UBE2O: variants seen among roughly 807,000 people sequenced by gnomAD.
UBE2O encodes the protein (E3-independent) E2 ubiquitin-conjugating enzyme.
A neutral mutation model predicts 125.8 loss-of-function variants in UBE2O; 15 were observed. That is an observed-to-expected ratio of 0.12 (90% confidence interval 0.08 to 0.18). The LOEUF (loss-of-function observed/expected upper bound fraction) is 0.18. Among genes scored for constraint, UBE2O ranks in the 10% least tolerant of loss-of-function variants. The pLI, the probability that UBE2O is intolerant of heterozygous loss-of-function variation, is 1.00. For synonymous variants in UBE2O, 708 were observed against 703.2 expected (o/e 1.01, Z -0.11); for missense variants, 1,280 against 1,723.6 (o/e 0.74, Z 4.56).
chr17:76,418,569 G>GTTT (rs33997542), intron 1 of UBE2O, among the ~76,000 whole-genome samples: 3 of 144,836 alleles, frequency 2.1e-5, no homozygotes, highest in African/African-American at 2.6e-5. Context: ...GGAGGAACAG[G>GTTT]TTTTTTTTTT....
At chr17:76,401,510 A>C (rs2072324333) in intron 5 of UBE2O, among the ~76,000 whole-genome samples, 1 of 152,178 alleles carries the variant, frequency 6.6e-6, no homozygotes, top group South Asian at 2.1e-4. Context: ...TGTAACTAAC[A>C]CATCATCCTG....
In UBE2O at chr17:76,396,983, T is replaced by C. The variant is rs1337796406; in HGVS notation, c.2116-162A>G. ...CTTTCCCTGACCTCTGCTCTGGCTT[T>C]TGCAGTCCCTAGGTCTCTGGGAGAG... On this transcript the variant is annotated intron_variant, in intron 13 of 17. Coordinates refer to ENST00000319380, the MANE Select transcript of UBE2O (RefSeq NM_022066.4). The surrounding 1 kb of genome is among the most constrained non-coding windows in gnomAD (Gnocchi z 6.7). 6.6e-6 allele frequency among the ~76,000 whole-genome samples: 1 copy of C among 152,136 alleles called. No homozygotes were observed. The highest frequency in any genetic ancestry group is 1.5e-5 in the Non-Finnish European group (1 of 68,018).
At chr17:76,397,954 G>T in intron 12 of UBE2O, 66 bp from the exon 13 acceptor site, 1 of 1,538,312 alleles carries the variant, frequency 6.5e-7, no homozygotes, top group Non-Finnish European at 9.0e-7. Flanking sequence ...CCCCTCCTGT[G>T]CTCTGCAGTG....
chr17:76,430,612 T>C (rs2143845042), intron 1 of UBE2O: 2 of 329,144 alleles, frequency 6.1e-6, no homozygotes, highest in South Asian at 2.5e-5. Flanking sequence ...TCAATCAAAG[T>C]GTTATCTGTC....
intron 1 of UBE2O, among the ~76,000 whole-genome samples, chr17:76,433,271 A>G (rs2072931793): frequency 6.6e-6 from 1 of 151,312 alleles, no homozygotes; most frequent in African/African-American, 2.4e-5. Flanking sequence ...ATAAAAACAA[A>G]TGAAGTACTG....
chr17:76,415,902 C>G (rs1398566418), intron 1 of UBE2O, among the ~76,000 whole-genome samples: 1 of 148,660 alleles, frequency 6.7e-6, no homozygotes, highest in African/African-American at 2.6e-5. Context: ...CACGTATATA[C>G]AAATATATAC....
intron 5 of UBE2O, 124 bp from the exon 6 acceptor site, chr17:76,401,278 G>A (rs1435808684): frequency 3.5e-5 from 41 of 1,157,962 alleles, no homozygotes; most frequent in East Asian, 7.7e-5. Flanking sequence ...CGCCCCACAC[G>A]CCCTAAAACA....
intron 1 of UBE2O, among the ~76,000 whole-genome samples, chr17:76,412,583 T>C (rs1206009573): frequency 1.3e-5 from 2 of 152,172 alleles, no homozygotes; most frequent in African/African-American, 2.4e-5. Flanking sequence ...CTCTGGCTCT[T>C]TGGTTGTCCC....
intron 15 of UBE2O, among the ~76,000 whole-genome samples, chr17:76,392,732 C>G (rs569187267): frequency 9.7e-4 from 147 of 151,766 alleles, no homozygotes; most frequent in African/African-American, 3.5e-3. Flanking sequence ...ACGGGTGGAT[C>G]ACTTAAGGTC....
At chr17:76,430,568 G>C (rs542919341) in intron 1 of UBE2O, 37 of 261,530 alleles carry the variant, frequency 1.4e-4, no homozygotes, top group African/African-American at 6.8e-4. Context: ...TCAGATCCTC[G>C]ATGCAGATGA....
chr17:76,448,803 G>T (rs922220769), intron 1 of UBE2O, among the ~76,000 whole-genome samples: 3 of 152,268 alleles, frequency 2.0e-5, no homozygotes, highest in Non-Finnish European at 4.4e-5. Flanking sequence ...TGCTCATGAA[G>T]GTTTAAGTGG....
chr17:76,431,464 C>T (rs1011187676), intron 1 of UBE2O, among the ~76,000 whole-genome samples: 4 of 152,072 alleles, frequency 2.6e-5, no homozygotes, highest in Non-Finnish European at 5.9e-5. Context: ...TGCAGTGAGC[C>T]GAGATCGCAC....
At chr17:76,414,424 T>C (rs1480765142) in intron 1 of UBE2O, among the ~76,000 whole-genome samples, 6 of 152,148 alleles carry the variant, frequency 3.9e-5, no homozygotes, top group African/African-American at 9.7e-5. Context: ...CACAAGTAAA[T>C]AGAGCACTAA....
At position 76,417,914 on chromosome 17, in the gene UBE2O, G is replaced by A. The variant is rs528903652; in HGVS notation, c.418-12342C>T. Among the ~76,000 whole-genome samples the A allele has an allele frequency of 9.8e-5, 15 of 152,286 alleles. No homozygotes were observed. The South Asian group carries it at 2.5e-3, about 25-fold the overall frequency. ...CAGTCTCCATGATGGTGCTGTTTCC[G>A]CTGGTATTTGAGTCCTGGCTCACTG... is the stretch of plus-strand genomic sequence containing the variant. On this transcript the variant is annotated intron_variant, in intron 1 of 17. Coordinates refer to ENST00000319380, the MANE Select transcript of UBE2O (RefSeq NM_022066.4).
chr17:76,401,943 G>A (rs545944106), intron 5 of UBE2O, 121 bp downstream of exon 5: 16 of 829,554 alleles, frequency 1.9e-5, no homozygotes, highest in East Asian at 3.1e-5. Flanking sequence ...CCTCTGGCGC[G>A]CACCCGCCCC....
At chr17:76,394,072 GTTA>G (rs915265310) in intron 15 of UBE2O, among the ~76,000 whole-genome samples, 2 of 152,202 alleles carry the variant, frequency 1.3e-5, no homozygotes, top group African/African-American at 4.8e-5. Flanking sequence ...AACCAAAAGC[GTTA>G]TTAAGAATCT....
At chr17:76,436,980 C>G (rs968318926) in intron 1 of UBE2O, among the ~76,000 whole-genome samples, 21 of 151,908 alleles carry the variant, frequency 1.4e-4, no homozygotes, top group African/African-American at 4.8e-4. Context: ...AAATGCAAAA[C>G]AAACAACAAC....
chr17:76,422,250 G>A (rs2072723796), intron 1 of UBE2O, among the ~76,000 whole-genome samples: 1 of 152,178 alleles, frequency 6.6e-6, no homozygotes, highest in African/African-American at 2.4e-5. Context: ...AAGATGATGT[G>A]TGGAAGCACG....
chr17:76,431,718 G>T (rs1010884949), intron 1 of UBE2O, among the ~76,000 whole-genome samples: 2 of 152,078 alleles, frequency 1.3e-5, no homozygotes, highest in African/African-American at 4.8e-5. Flanking sequence ...CAGCGGGGGG[G>T]ACTGCTTGAA....
Sources: gnomAD v4.1 joint callset for allele counts (sites outside exome capture counted in the v4.1 genomes callset) on GRCh38, gnomAD v4.1.1 for gene constraint, Gnocchi (gnomAD v3.1) non-coding constraint, MANE v1.5 for transcripts, NCBI Gene and HGNC (gene_info 2026-07-23, HGNC 2026-07-21) for gene names.